DAB1: variants seen among roughly 807,000 people sequenced by gnomAD.
DAB1 encodes DAB adaptor protein 1.
DAB1 carries 15 observed loss-of-function variants against 64.6 expected under a neutral mutation model. The ratio of observed to expected loss-of-function variants is 0.23; its 90% CI spans 0.16 to 0.36. DAB1 has a LOEUF of 0.36. Among genes scored for constraint, DAB1 ranks in the 10% least tolerant of loss-of-function variants. The pLI is 1.00. For missense variants in DAB1, 596 were observed against 706.7 expected (o/e 0.84, Z 1.78); for synonymous variants, 235 against 251.9 (o/e 0.93, Z 0.64).
intron 3 of DAB1, among the ~76,000 whole-genome samples, chr1:58,440,223 T>C (rs961342191): frequency 1.2e-4 from 18 of 152,352 alleles, no homozygotes; most frequent in African/African-American, 4.1e-4. Flanking sequence ...TCTGCCTGCC[T>C]CTGCAGCTTA....
chr1:57,698,261 C>A (rs1646868418), intron 6 of DAB1, among the ~76,000 whole-genome samples: 2 of 128,422 alleles, frequency 1.6e-5, no homozygotes, highest in South Asian at 2.5e-4. Flanking sequence ...AACTTTTAAA[C>A]ATTTTTTTTT....
intron 5 of DAB1, among the ~76,000 whole-genome samples, chr1:57,937,827 C>A (rs1645049227): frequency 6.6e-6 from 1 of 152,158 alleles, no homozygotes; most frequent in Non-Finnish European, 1.5e-5. Context: ...TGGAGCAGGC[C>A]CTGCAGTTCC....
chr1:57,077,385 A>C lies in DAB1; in HGVS notation c.307-4971T>G, dbSNP rs952426564. 3.2e-4 allele frequency among the ~76,000 whole-genome samples: 49 copies of C among 152,182 alleles called. 1 individual carries two copies. The highest frequency in any genetic ancestry group is 4.4e-5 in the Non-Finnish European group (3 of 68,040). On this transcript the variant is annotated intron_variant, in intron 4 of 14. Coordinates refer to ENST00000371236, the MANE Select transcript of DAB1 (RefSeq NM_001365792.1). ...AGTAAGTGTTACATAATATTTCAGG[A>C]AGGCAGGCAGGGAGGAAGAAAGAAA...
intron 3 of DAB1, among the ~76,000 whole-genome samples, chr1:58,354,861 A>G (rs1181386859): frequency 1.3e-5 from 2 of 152,170 alleles, no homozygotes; most frequent in African/African-American, 4.8e-5. Flanking sequence ...TGAGAAAACC[A>G]AGGCTCATAA....
intron 4 of DAB1, among the ~76,000 whole-genome samples, chr1:58,173,470 G>C (rs1455078524): frequency 6.6e-6 from 1 of 152,106 alleles, no homozygotes; most frequent in Admixed American, 6.5e-5. Flanking sequence ...ACCCCCTGCA[G>C]CAGCGACCCC....
At chr1:57,736,738 TCC>T (rs1647709279) in intron 6 of DAB1, among the ~76,000 whole-genome samples, 4 of 152,144 alleles carry the variant, frequency 2.6e-5, no homozygotes, top group Admixed American at 2.0e-4. Context: ...TCCCTGCCTC[TCC>T]ATCCTTCCCT....
rs149758319 is a variant in DAB1 at position 58,029,843 on chromosome 1, T to A, written n.387+120668A>T. ...AAATAAAAATTATTTTAAATAATGT[T>A]TAATAATATTGGAAAATAGTCAAAG... On this transcript the variant is annotated intron_variant and non_coding_transcript_variant, in intron 5 of 20. Transcript: ENST00000485760. Among the ~76,000 whole-genome samples, 1,408 of 152,238 alleles carry A rather than the reference T, an allele frequency of 9.2e-3. 18 individuals are homozygous for A. The highest frequency in any genetic ancestry group is 0.024 in the South Asian group (114 of 4,828).
chr1:58,457,140 C>A (rs1473698711), intron 3 of DAB1, among the ~76,000 whole-genome samples: 1 of 152,150 alleles, frequency 6.6e-6, no homozygotes, highest in Non-Finnish European at 1.5e-5. Context: ...ATCGAGGTCT[C>A]AGGATTGGAA....
chr1:58,092,678 C>G (rs1019228887), intron 5 of DAB1, among the ~76,000 whole-genome samples: 22 of 152,148 alleles, frequency 1.4e-4, no homozygotes, highest in African/African-American at 5.1e-4. Flanking sequence ...ACTCCATGAT[C>G]TGGGGAGGGC....
intron 2 of DAB1, among the ~76,000 whole-genome samples, chr1:57,215,621 C>T (rs150559016): frequency 5.3e-5 from 8 of 152,312 alleles, no homozygotes; most frequent in East Asian, 1.9e-4. Context: ...TCAGCTCTGA[C>T]GATCTTTAAT....
chr1:58,218,644 T>C (rs760391574), intron 4 of DAB1, among the ~76,000 whole-genome samples: 5 of 152,152 alleles, frequency 3.3e-5, no homozygotes, highest in Non-Finnish European at 7.4e-5. Flanking sequence ...CCTGGGCTGG[T>C]ACCAGTGTAT....
intron 1 of DAB1, among the ~76,000 whole-genome samples, chr1:57,395,732 T>C (rs1323866295): frequency 3.4e-5 from 5 of 147,332 alleles, no homozygotes; most frequent in Admixed American, 2.0e-4. Flanking sequence ...AGGTATCCCA[T>C]GGCTACCATA....
At chr1:58,305,731 ATC>A (rs1662290808) in intron 4 of DAB1, among the ~76,000 whole-genome samples, 1 of 152,188 alleles carries the variant, frequency 6.6e-6, no homozygotes, top group Non-Finnish European at 1.5e-5. Context: ...TTCCCCAAGC[ATC>A]TCTGTTTCCG....
chr1:57,228,926 C>G lies in DAB1; in HGVS notation c.67+62038G>C, dbSNP rs1049096892. ...ACTTACATCAACATGAATGGAACTA[C>G]TTATATCAGCATGAATAAATCTCAC... On this transcript the variant is annotated intron_variant, in intron 2 of 14. Coordinates refer to ENST00000371236, the MANE Select transcript of DAB1 (RefSeq NM_001365792.1). 1.1e-4 allele frequency among the ~76,000 whole-genome samples: 16 copies of G among 152,212 alleles called. 1 individual carries two copies. The highest frequency in any genetic ancestry group is 3.9e-4 in the African/African-American group (16 of 41,528).
chr1:57,210,627 T>C (rs972834919), intron 2 of DAB1, among the ~76,000 whole-genome samples: 1 of 152,126 alleles, frequency 6.6e-6, no homozygotes, highest in South Asian at 2.1e-4. Context: ...CTACAAAAAA[T>C]GTACCTAAAC....
intron 2 of DAB1, among the ~76,000 whole-genome samples, chr1:57,286,117 T>A (rs1672296746): frequency 1.3e-5 from 2 of 152,234 alleles, no homozygotes. Flanking sequence ...TCTAGTTACA[T>A]TTCATAAATC....
chr1:57,187,387 A>T (rs149007600), intron 2 of DAB1, among the ~76,000 whole-genome samples: 28 of 152,366 alleles, frequency 1.8e-4, no homozygotes, highest in Admixed American at 1.8e-3. Flanking sequence ...AACAAGGTAC[A>T]GTATAAAAAA....
intron 5 of DAB1, among the ~76,000 whole-genome samples, chr1:58,035,819 A>G (rs1647036823): frequency 6.6e-6 from 1 of 152,194 alleles, no homozygotes; most frequent in Non-Finnish European, 1.5e-5. Context: ...CTTGAGGTCT[A>G]TTCTCCAGGA....
rs555131457 is a variant in DAB1 at position 57,967,080 on chromosome 1, T to G, written n.388-82918A>C. ...ATGCATACACACACACACAAGAATG[T>G]CAAGAGCTTTTAAAGTTTCAGCTTC... On this transcript the variant is annotated intron_variant and non_coding_transcript_variant, in intron 5 of 20. Transcript: ENST00000485760. 2.0e-5 allele frequency among the ~76,000 whole-genome samples: 3 copies of G among 152,294 alleles called. No individual in the cohort carries two copies. In the South Asian group the frequency reaches 6.2e-4, roughly 32 times the overall value.
Sources: allele counts gnomAD v4.1 joint callset (sites outside exome capture counted in the v4.1 genomes callset), GRCh38; gene constraint gnomAD v4.1.1; transcripts MANE v1.5; gene names NCBI Gene and HGNC (gene_info 2026-07-23, HGNC 2026-07-21).